ABHD6: variants seen among roughly 807,000 people sequenced by gnomAD.
ABHD6 encodes abhydrolase domain containing 6, acylglycerol lipase.
In ABHD6, 33 loss-of-function variants were observed where a neutral mutation model predicts 38.8. The observed-to-expected ratio is 0.85, with a 90% CI of 0.64 to 1.14. The LOEUF (loss-of-function observed/expected upper bound fraction) is 1.14. Ranked by LOEUF, ABHD6 falls within the 50% of genes most tolerant of loss-of-function variation. The pLI, the probability that ABHD6 is intolerant of heterozygous loss-of-function variation, is 0.00. For synonymous variants in ABHD6, 147 were observed against 161.6 expected (o/e 0.91, Z 0.69); for missense variants, 380 against 422.6 (o/e 0.90, Z 0.88).
intron 3 of ABHD6, among the ~76,000 whole-genome samples, chr3:58,260,137 G>T (rs1052209174): frequency 6.6e-6 from 1 of 152,326 alleles, no homozygotes; most frequent in Non-Finnish European, 1.5e-5. Context: ...GAATAATGCT[G>T]CATAGCAAAT....
chr3:58,252,429 G>T (rs1224775481), intron 2 of ABHD6, among the ~76,000 whole-genome samples: 1 of 151,602 alleles, frequency 6.6e-6, no homozygotes, highest in Middle Eastern at 3.2e-3. Context: ...GCCCAGGCCG[G>T]TCTCAAACTC....
intron 1 of ABHD6, among the ~76,000 whole-genome samples, chr3:58,240,748 T>TTTTG (rs4021310): frequency 1.3e-5 from 2 of 150,532 alleles, no homozygotes; most frequent in African/African-American, 4.9e-5. Context: ...TTTTTTTTTT[T>TTTTG]GAGACGGAGT....
chr3:58,268,865 G>A (rs528430145), intron 4 of ABHD6, among the ~76,000 whole-genome samples: 5 of 152,120 alleles, frequency 3.3e-5, no homozygotes, highest in South Asian at 2.1e-4. Flanking sequence ...AACCAGAATC[G>A]GGGTGATCAG....
intron 9 of ABHD6, among the ~76,000 whole-genome samples, chr3:58,286,251 C>G (rs35901991): frequency 6.6e-6 from 1 of 151,768 alleles, no homozygotes; most frequent in African/African-American, 2.4e-5. Flanking sequence ...GATCTCCTGA[C>G]GTCATGATCT....
At chr3:58,289,766 G>C (rs2097460269) in intron 9 of ABHD6, among the ~76,000 whole-genome samples, 1 of 152,182 alleles carries the variant, frequency 6.6e-6, no homozygotes, top group Non-Finnish European at 1.5e-5. Context: ...CTCCCAGACG[G>C]GGTGGTGGCT....
chr3:58,260,952 C>T (rs993842257), intron 3 of ABHD6, among the ~76,000 whole-genome samples: 1 of 152,204 alleles, frequency 6.6e-6, no homozygotes, highest in Non-Finnish European at 1.5e-5. Flanking sequence ...ATGGCCAGCA[C>T]ACTTCCACAA....
At chr3:58,255,530 G>A (rs1459136363) in intron 2 of ABHD6, among the ~76,000 whole-genome samples, 1 of 150,272 alleles carries the variant, frequency 6.7e-6, no homozygotes. Context: ...TGCAATCATA[G>A]CTTACTACAG....
chr3:58,249,522 C>G (rs552152415), intron 1 of ABHD6, among the ~76,000 whole-genome samples: 2 of 152,312 alleles, frequency 1.3e-5, no homozygotes, highest in East Asian at 1.9e-4. Context: ...TGCTTCCATT[C>G]CTTTCTGAAC....
intron 9 of ABHD6, among the ~76,000 whole-genome samples, chr3:58,290,836 G>A (rs1575534882): frequency 6.7e-6 from 1 of 149,578 alleles, no homozygotes; most frequent in Admixed American, 6.6e-5. Context: ...CCGGGAAGAG[G>A]CGCTCCTCAC....
intron 1 of ABHD6, among the ~76,000 whole-genome samples, chr3:58,247,359 A>G (rs914874964): frequency 1.3e-5 from 2 of 151,992 alleles, no homozygotes; most frequent in African/African-American, 2.4e-5. Context: ...GATAAGGGAA[A>G]TGTTCTATAT....
intron 6 of ABHD6, among the ~76,000 whole-genome samples, chr3:58,274,173 A>G (rs1393296348): frequency 2.0e-5 from 3 of 152,192 alleles, no homozygotes; most frequent in Non-Finnish European, 4.4e-5. Flanking sequence ...ATAAGAGAGT[A>G]CCACGTGGGT....
At chr3:58,278,876 A>G (rs2097450813) in intron 7 of ABHD6, among the ~76,000 whole-genome samples, 2 of 152,222 alleles carry the variant, frequency 1.3e-5, no homozygotes, top group African/African-American at 4.8e-5. Flanking sequence ...GTCATTAAGG[A>G]ACAGGTTGTT....
At position 58,241,041 on chromosome 3, in the gene ABHD6, A is replaced by G. The variant is rs370120601; in HGVS notation, c.-91+3125A>G. 4.6e-5 allele frequency among the ~76,000 whole-genome samples: 7 copies of G among 152,150 alleles called. No homozygotes were observed. The East Asian group carries it at 7.7e-4, about 17-fold the overall frequency. On this transcript the variant is annotated intron_variant, in intron 1 of 9. Transcript: ENST00000478253. ...CACCGCGCCCGGCCAAACCTGGATA[A>G]TTTTGAAATTTTGTTGTTGTTGTTG...
In ABHD6 at chr3:58,287,248, C is replaced by T. The variant is rs563425337; in HGVS notation, c.837+1795C>T. On this transcript the variant is annotated intron_variant, in intron 9 of 9. Coordinates refer to ENST00000478253, the MANE Select transcript of ABHD6 (RefSeq NM_001320126.2). The surrounding 1 kb of genome is among the most constrained non-coding windows in gnomAD (Gnocchi z 4.7). ...GCAGTGAGCCGTGATTGCTTCACTGCACACCAGCCTGGGCCACAGGGCGGG... is the reference window on the plus strand; with the variant it reads ...GCAGTGAGCCGTGATTGCTTCACTGTACACCAGCCTGGGCCACAGGGCGGG... 1.3e-5 allele frequency among the ~76,000 whole-genome samples: 2 copies of T among 152,082 alleles called. No individual in the cohort carries two copies. The highest frequency in any genetic ancestry group is 4.8e-5 in the African/African-American group (2 of 41,402).
intron 7 of ABHD6, among the ~76,000 whole-genome samples, chr3:58,282,209 G>A (rs188693924): frequency 1.3e-5 from 2 of 151,900 alleles, no homozygotes; most frequent in African/African-American, 4.9e-5. Flanking sequence ...TTATAGGTAC[G>A]GAAAGGAGCC....
Position 58,293,558 on chromosome 3 carries a change from G to C in ABHD6, c.838-31G>C, listed in dbSNP as rs771863820. 1.4e-5 allele frequency: 22 copies of C among 1,610,152 alleles called. No homozygotes were observed. The highest frequency in any genetic ancestry group is 3.3e-5 in the Admixed American group (2 of 59,772). On this transcript the variant is annotated intron_variant, in intron 9 of 9. Transcript: ENST00000478253. The surrounding 1 kb of genome is among the most constrained non-coding windows in gnomAD (Gnocchi z 4.4). Reference sequence around the variant, plus strand: ...CACACGTGGGTGTCTGAATCTTTGTGTATCATCCAGCTCCCTTTCTTGCCC... The same window carrying C: ...CACACGTGGGTGTCTGAATCTTTGTCTATCATCCAGCTCCCTTTCTTGCCC...
At chr3:58,244,982 G>A (rs2097425309) in intron 1 of ABHD6, among the ~76,000 whole-genome samples, 1 of 152,172 alleles carries the variant, frequency 6.6e-6, no homozygotes, top group Non-Finnish European at 1.5e-5. Context: ...CTGGGAAGGA[G>A]ATTCTGGCTA....
At position 58,271,766 on chromosome 3, in the gene ABHD6, G is replaced by GTTTTTTTTTTTTTTTTTTTTTTTTTTTT. The variant is rs3038091; in HGVS notation, c.523+726_523+727insTTTTTTTTTTTTTTTTTTTTTTTTTTTT. Among the ~76,000 whole-genome samples the GTTTTTTTTTTTTTTTTTTTTTTTTTTTT allele has an allele frequency of 1.1e-4, 7 of 63,632 alleles. 1 individual carries two copies. Among genetic ancestry groups the GTTTTTTTTTTTTTTTTTTTTTTTTTTTT allele is most frequent in the East Asian group, 1.1e-3 (2 of 1,800 alleles). 41.7% of individuals were successfully genotyped at this position (63,632 alleles called of 152,430 possible). On this transcript the variant is annotated intron_variant, in intron 6 of 9. Transcript: ENST00000478253. ...CTCTCCTCTATCTCCCCCTCTCTCT[G>GTTTTTTTTTTTTTTTTTTTTTTTTTTTT]TTTTTTTTTTTTTTTTTTTTTTTTG...
At chr3:58,244,958 G>A (rs2097425301) in intron 1 of ABHD6, among the ~76,000 whole-genome samples, 1 of 151,910 alleles carries the variant, frequency 6.6e-6, no homozygotes, top group African/African-American at 2.4e-5. Flanking sequence ...TATCTTCCTG[G>A]GCTACTGAGG....
Sources: gnomAD v4.1 joint callset for allele counts (sites outside exome capture counted in the v4.1 genomes callset) on GRCh38, gnomAD v4.1.1 for gene constraint, Gnocchi (gnomAD v3.1) non-coding constraint, MANE v1.5 for transcripts, NCBI Gene and HGNC (gene_info 2026-07-23, HGNC 2026-07-21) for gene names.